Variants in DNAH5 observed in about 807,000 individuals in gnomAD.
The protein encoded by DNAH5 is dynein axonemal heavy chain 5.
A neutral mutation model predicts 518.2 loss-of-function variants in DNAH5; 372 were observed. The observed-to-expected ratio is 0.72, with a 90% CI of 0.66 to 0.78. DNAH5 has a LOEUF of 0.78. Among genes scored for constraint, DNAH5 ranks in the 30% least tolerant of loss-of-function variants. DNAH5 has a pLI of 0.00. For synonymous variants in DNAH5, 2,039 were observed against 2,025.9 expected (o/e 1.01, Z -0.17); for missense variants, 5,523 against 5,687.0 (o/e 0.97, Z 0.93).
chr5:13,753,772 C>A (rs1476161718), intron 62 of DNAH5, among the ~76,000 whole-genome samples: 2 of 152,152 alleles, frequency 1.3e-5, no homozygotes, highest in Admixed American at 6.5e-5. Flanking sequence ...AGCAGTCAAG[C>A]ACTGGATTAT....
chr5:13,889,175 C>A (rs1772837702), intron 17 of DNAH5, among the ~76,000 whole-genome samples: 2 of 152,056 alleles, frequency 1.3e-5, no homozygotes, highest in Admixed American at 6.5e-5. Context: ...TTAAAATATT[C>A]TAAAACTTTC....
Position 13,751,119 on chromosome 5 carries a change from C to G in DNAH5, c.11170G>C (p.Glu3724Gln). The G allele has an allele frequency of 1.2e-6, 2 of 1,614,024 alleles. No homozygotes were observed. Among genetic ancestry groups the G allele is most frequent in the Non-Finnish European group, 1.7e-6 (2 of 1,179,928 alleles). Residue 3724 changes from glutamate (E) to glutamine (Q), a missense_variant, in exon 65 of 79, where the codon GAA becomes CAA. Glu to Gln is a conservative substitution (Grantham distance 29). Transcript: ENST00000265104. The stretch of plus-strand genomic sequence containing the variant: ...ATGACCCTCCCCAGTAACTGATCTT[C>G]TAGACCTTTCATGGTGACAGTGAAG... ...IDFTVTMKGL[E>Q]DQLLGRVILT... is the part of the protein sequence containing the mutation.
chr5:13,957,718 T>G (rs1780857088), intron 1 of DNAH5, among the ~76,000 whole-genome samples: 1 of 151,892 alleles, frequency 6.6e-6, no homozygotes, highest in African/African-American at 2.4e-5. Flanking sequence ...GTGAACTCTT[T>G]GAGTTGATTT....
At chr5:13,854,995 T>G (rs569903684) in intron 30 of DNAH5, among the ~76,000 whole-genome samples, 2 of 152,188 alleles carry the variant, frequency 1.3e-5, no homozygotes, top group Admixed American at 6.5e-5. Context: ...AATTTTCAAA[T>G]GTACTGCATT....
At chr5:13,874,242 A>G (rs1770547383) in intron 22 of DNAH5, among the ~76,000 whole-genome samples, 1 of 152,204 alleles carries the variant, frequency 6.6e-6, no homozygotes, top group Non-Finnish European at 1.5e-5. Context: ...AATTAATTAC[A>G]GATTATTGAA....
At chr5:13,770,648 C>A (rs372032323) in intron 56 of DNAH5, 101 bp downstream of exon 56, 1 of 1,060,614 alleles carries the variant, frequency 9.4e-7, no homozygotes, top group South Asian at 1.3e-5. Context: ...CTATGATACA[C>A]AAAATGTCTC....
intron 38 of DNAH5, among the ~76,000 whole-genome samples, chr5:13,827,883 C>T (rs1043573234): frequency 6.6e-6 from 1 of 152,140 alleles, no homozygotes; most frequent in Non-Finnish European, 1.5e-5. Flanking sequence ...GCTTTTCCCC[C>T]TCTTCACTCA....
At chr5:13,833,442 C>CAAAAAA (rs59325595) in intron 35 of DNAH5, among the ~76,000 whole-genome samples, 2 of 119,576 alleles carry the variant, frequency 1.7e-5, no homozygotes, top group African/African-American at 3.1e-5. Context: ...GACTCCTTCC[C>CAAAAAA]AAAAAAAAAA....
chr5:13,868,084 A>G, intron 24 of DNAH5, 92 bp from the exon 25 acceptor site: 1 of 1,005,476 alleles, frequency 9.9e-7, no homozygotes, highest in Non-Finnish European at 1.5e-6. Context: ...GGAAAATACC[A>G]GAATAATAGT....
chr5:13,884,277 A>C (rs1411807778), intron 19 of DNAH5, among the ~76,000 whole-genome samples: 2 of 152,202 alleles, frequency 1.3e-5, no homozygotes, highest in Non-Finnish European at 2.9e-5. Flanking sequence ...CAATGAAAGA[A>C]TCGTTTCCAT....
At chr5:13,754,730 G>A (rs552167855) in intron 61 of DNAH5, among the ~76,000 whole-genome samples, 1 of 152,054 alleles carries the variant, frequency 6.6e-6, no homozygotes, top group East Asian at 2.0e-4. Context: ...TAGAGATGGG[G>A]TTTCTCCATG....
intron 41 of DNAH5, 30 bp downstream of exon 41, chr5:13,820,316 C>A (rs370823627): frequency 4.0e-5 from 64 of 1,603,336 alleles, no homozygotes; most frequent in Non-Finnish European, 5.0e-5. Flanking sequence ...AAATGGGCCA[C>A]CCCAGGCATT....
chr5:13,792,630 T>G (rs1376019335), intron 49 of DNAH5, among the ~76,000 whole-genome samples: 1 of 152,110 alleles, frequency 6.6e-6, no homozygotes, highest in Non-Finnish European at 1.5e-5. Flanking sequence ...ATGTAAAATT[T>G]TCCAGGCAAT....
intron 1 of DNAH5, among the ~76,000 whole-genome samples, chr5:14,010,198 G>A (rs1785016221): frequency 1.3e-5 from 2 of 152,094 alleles, no homozygotes; most frequent in Non-Finnish European, 2.9e-5. Flanking sequence ...AGGGAGGGGA[G>A]AGGTCTTTGC....
intron 49 of DNAH5, among the ~76,000 whole-genome samples, chr5:13,792,835 T>C (rs1757210499): frequency 6.6e-6 from 1 of 152,242 alleles, no homozygotes; most frequent in African/African-American, 2.4e-5. Flanking sequence ...AGGGTAATCC[T>C]GATGAGCTTT....
chr5:13,702,060 C>T (rs1455509414), intron 76 of DNAH5, among the ~76,000 whole-genome samples: 3 of 152,178 alleles, frequency 2.0e-5, no homozygotes, highest in Non-Finnish European at 4.4e-5. Flanking sequence ...TCTTTATCAT[C>T]CACAAACTAT....
chr5:13,710,840 A>T (rs1419528543), intron 75 of DNAH5, among the ~76,000 whole-genome samples: 1 of 152,200 alleles, frequency 6.6e-6, no homozygotes, highest in Non-Finnish European at 1.5e-5. Flanking sequence ...CCCTGAAGAG[A>T]CCAATAACAG....
In DNAH5 at chr5:13,700,775, T is replaced by C; in HGVS notation, c.13588A>G (p.Thr4530Ala). The change falls in exon 78 of 79, where the codon ACA (threonine) becomes GCA (alanine). Residue 4530 changes from threonine to alanine, a missense_variant. By Grantham distance (58) the Thr-to-Ala change is moderately conservative. Around this residue, in one of 3 missense-constraint regions of DNAH5, gnomAD observed 387 missense variants for 430.0 expected, o/e 0.90. Coordinates refer to ENST00000265104, the MANE Select transcript of DNAH5 (RefSeq NM_001369.3). ...AAGCCATAGACATAGACACCCTCTG[T>C]GGGAGGGGCAGAAATGTCGTCCTTC... ...WMKDDISAPP[T>A]EGVYVYGLYL... 6.2e-7 allele frequency: 1 copy of C among 1,614,102 alleles called. No individual in the cohort carries two copies. The highest frequency in any genetic ancestry group is 1.7e-5 in the Admixed American group (1 of 60,016).
chr5:13,976,280 C>A lies in DNAH5; in HGVS notation c.12+35368G>T, dbSNP rs553983915. ...TTTCATTTTCCTCAGTTGCCTGCAGCCAACAGTTGTCCAAAAATATTAAAT... is the reference window on the plus strand; with the variant it reads ...TTTCATTTTCCTCAGTTGCCTGCAGACAACAGTTGTCCAAAAATATTAAAT... On this transcript the variant is annotated intron_variant, in intron 1 of 78. Coordinates refer to the DNAH5 transcript ENST00000681290. Among the ~76,000 whole-genome samples, 4 of 152,266 alleles carry A rather than the reference C, an allele frequency of 2.6e-5. No individual in the cohort carries two copies. The East Asian group carries it at 7.7e-4, about 29-fold the overall frequency.
Sources: allele counts gnomAD v4.1 joint callset (sites outside exome capture counted in the v4.1 genomes callset), GRCh38; gene constraint gnomAD v4.1.1; regional missense constraint gnomAD v4.1.1; transcripts MANE v1.5; gene names NCBI Gene and HGNC (gene_info 2026-07-23, HGNC 2026-07-21).